The following PEX5L variants were observed in gnomAD, a reference collection of about 807,000 sequenced individuals.
PEX5L encodes peroxisomal biogenesis factor 5 like.
A neutral mutation model predicts 84.0 loss-of-function variants in PEX5L; 30 were observed. The ratio of observed to expected loss-of-function variants is 0.36; its 90% CI spans 0.27 to 0.48. PEX5L has a LOEUF of 0.48. Among genes scored for constraint, PEX5L ranks in the 20% least tolerant of loss-of-function variants. The pLI is 0.99. For missense variants in PEX5L, 533 were observed against 754.6 expected (o/e 0.71, Z 3.44); for synonymous variants, 270 against 283.1 (o/e 0.95, Z 0.46).
chr3:179,809,937 G>T (rs1723074410), intron 11 of PEX5L, among the ~76,000 whole-genome samples: 1 of 142,826 alleles, frequency 7.0e-6, no homozygotes, highest in African/African-American at 2.6e-5. Context: ...CCCTGCACAT[G>T]ATTTATTAGT....
intron 2 of PEX5L, among the ~76,000 whole-genome samples, chr3:179,948,274 A>G (rs527734278): frequency 9.0e-4 from 137 of 152,334 alleles, no homozygotes; most frequent in Non-Finnish European, 1.8e-3. Flanking sequence ...TAAATGATCA[A>G]TCTTCCCCAA....
At chr3:179,872,467 A>T (rs146805050) in intron 7 of PEX5L, among the ~76,000 whole-genome samples, 35 of 152,338 alleles carry the variant, frequency 2.3e-4, no homozygotes, top group Non-Finnish European at 4.7e-4. Context: ...ATTTGTCCAG[A>T]TAGAAAACTC....
intron 4 of PEX5L, among the ~76,000 whole-genome samples, chr3:179,883,460 A>T (rs1331746178): frequency 6.6e-6 from 1 of 152,192 alleles, no homozygotes; most frequent in East Asian, 1.9e-4. Context: ...ATTGTGCATA[A>T]AATAAGGCAG....
chr3:179,957,293 T>C (rs1269088018), intron 2 of PEX5L, among the ~76,000 whole-genome samples: 4 of 152,136 alleles, frequency 2.6e-5, no homozygotes, highest in East Asian at 1.9e-4. Context: ...ATAAGCATAA[T>C]GTAGCTGGGG....
intron 2 of PEX5L, among the ~76,000 whole-genome samples, chr3:179,925,719 T>C (rs904127910): frequency 2.0e-5 from 3 of 152,234 alleles, no homozygotes; most frequent in Non-Finnish European, 2.9e-5. Context: ...GAAAATTAAC[T>C]TGATATTAGG....
At chr3:180,000,991 T>C (rs1318209379) in intron 1 of PEX5L, among the ~76,000 whole-genome samples, 1 of 152,094 alleles carries the variant, frequency 6.6e-6, no homozygotes, top group Non-Finnish European at 1.5e-5. Context: ...ATCCTGGGTG[T>C]GTCTATGAGG....
chr3:179,818,341 GATACAGGC>G (rs904820411), intron 9 of PEX5L, among the ~76,000 whole-genome samples: 2 of 151,822 alleles, frequency 1.3e-5, no homozygotes, highest in Non-Finnish European at 2.9e-5. Flanking sequence ...GAGATATTTT[GATACAGGC>G]ATACAGGCAT....
chr3:179,965,981 G>A (rs1783227777), intron 2 of PEX5L, among the ~76,000 whole-genome samples: 1 of 152,182 alleles, frequency 6.6e-6, no homozygotes, highest in Non-Finnish European at 1.5e-5. Context: ...TTGCAGACAA[G>A]ATGGGATTGA....
rs1380129719 is a variant in PEX5L, at chr3:179,800,215, C to G, written c.*1613G>C. 2 of 152,126 alleles carry G rather than the reference C, an allele frequency of 1.3e-5. No homozygotes were observed. The highest frequency in any genetic ancestry group is 2.9e-5 in the Non-Finnish European group (2 of 68,022). The allele number at this position is 152,126 out of a possible 1,614,324, so 9.4% of individuals were successfully genotyped here. On this transcript the variant is annotated 3_prime_UTR_variant, in exon 15 of 15. Coordinates refer to ENST00000467460, the MANE Select transcript of PEX5L (RefSeq NM_016559.3). Reference sequence around the variant, plus strand: ...TTTACTCCTCAGTAGAAGCTTATTCCCCAGCCAATTAGACTGTTTTGATCC... The same window carrying G: ...TTTACTCCTCAGTAGAAGCTTATTCGCCAGCCAATTAGACTGTTTTGATCC...
intron 1 of PEX5L, among the ~76,000 whole-genome samples, chr3:179,996,147 G>A (rs551463897): frequency 1.1e-4 from 17 of 152,254 alleles, no homozygotes; most frequent in Admixed American, 3.9e-4. Flanking sequence ...CAACACCCCT[G>A]TTAGCTTCTA....
chr3:179,936,742 G>A (rs1225472937), intron 2 of PEX5L, among the ~76,000 whole-genome samples: 1 of 103,870 alleles, frequency 9.6e-6, no homozygotes, highest in Non-Finnish European at 2.1e-5. Context: ...GAGTCAAGCA[G>A]AGCAGGGATT....
intron 1 of PEX5L, among the ~76,000 whole-genome samples, chr3:180,023,615 T>A (rs1328745820): frequency 6.6e-6 from 1 of 151,350 alleles, no homozygotes; most frequent in Non-Finnish European, 1.5e-5. Context: ...AATAATAGAA[T>A]CCTAGAGCTG....
chr3:179,951,930 C>A (rs531388457), intron 2 of PEX5L, among the ~76,000 whole-genome samples: 8 of 152,176 alleles, frequency 5.3e-5, no homozygotes, highest in African/African-American at 1.9e-4. Context: ...TCTTTATTTC[C>A]ACATCCCAGC....
chr3:179,877,769 A>G (rs1752896959), intron 5 of PEX5L, among the ~76,000 whole-genome samples: 1 of 152,238 alleles, frequency 6.6e-6, no homozygotes, highest in African/African-American at 2.4e-5. Flanking sequence ...ATGTATTAAT[A>G]TATTTTAATC....
chr3:179,930,052 A>C (rs929324095), intron 2 of PEX5L, among the ~76,000 whole-genome samples: 2 of 152,128 alleles, frequency 1.3e-5, no homozygotes, highest in African/African-American at 4.8e-5. Flanking sequence ...GACCAGAAGC[A>C]TCAATATCAC....
intron 2 of PEX5L, among the ~76,000 whole-genome samples, chr3:179,947,375 T>C (rs2109899949): frequency 6.6e-6 from 1 of 152,264 alleles, no homozygotes; most frequent in East Asian, 1.9e-4. Flanking sequence ...TACTATGTGC[T>C]AAGAATACAT....
At chr3:180,024,373 T>TACAC (rs1553929498) in intron 1 of PEX5L, among the ~76,000 whole-genome samples, 4 of 79,024 alleles carry the variant, frequency 5.1e-5, no homozygotes, top group Non-Finnish European at 9.4e-5. Flanking sequence ...TATATATATA[T>TACAC]ACACACACAA....
At chr3:179,809,931 G>A (rs1445366742) in intron 11 of PEX5L, among the ~76,000 whole-genome samples, 1 of 147,318 alleles carries the variant, frequency 6.8e-6, no homozygotes, top group Non-Finnish European at 1.5e-5. Context: ...GCTTATCCCT[G>A]CACATGATTT....
rs77405094 is a variant in PEX5L at position 179,825,650 on chromosome 3, A to G, written c.823-5674T>C. Among the ~76,000 whole-genome samples the G allele has an allele frequency of 4.0e-3, 610 of 152,240 alleles. 6 individuals are homozygous for G. The highest frequency in any genetic ancestry group is 0.014 in the African/African-American group (581 of 41,528). On this transcript the variant is annotated intron_variant, in intron 8 of 14. Transcript: ENST00000467460. ...TTAAAAAGAAATGAACAGTGTATGG[A>G]GGAAAACAGATGGGCTTTGGCCTCA... is the stretch of plus-strand genomic sequence containing the variant.
Sources: allele counts gnomAD v4.1 joint callset (sites outside exome capture counted in the v4.1 genomes callset), GRCh38; gene constraint gnomAD v4.1.1; transcripts MANE v1.5; gene names NCBI Gene and HGNC (gene_info 2026-07-23, HGNC 2026-07-21).